Variants in PCDHA11 observed in about 807,000 individuals in gnomAD.
PCDHA11 encodes protocadherin alpha-11.
A neutral mutation model predicts 70.3 loss-of-function variants in PCDHA11; 61 were observed. The ratio of observed to expected loss-of-function variants is 0.87; its 90% CI spans 0.71 to 1.07. The LOEUF is 1.07. PCDHA11 is among the 50% of genes least tolerant of loss of function. The pLI is 0.00. For missense variants in PCDHA11, 1,324 were observed against 1,237.5 expected, an observed-to-expected ratio of 1.07 and a Z score of -1.05; for synonymous variants, 633 against 555.1, an observed-to-expected ratio of 1.14 and a Z score of -1.97.
chr5:140,966,166 C>T (rs1159533172), intron 1 of PCDHA11: 1 of 179,138 alleles, frequency 5.6e-6, no homozygotes, highest in Non-Finnish European at 1.2e-5. Flanking sequence ...GAGATCTTTT[C>T]CTGGGGAGCT....
At chr5:140,928,201 G>C in intron 1 of PCDHA11, 1 of 1,614,242 alleles carries the variant, frequency 6.2e-7, no homozygotes, top group Non-Finnish European at 8.5e-7. Context: ...GTCAGTTGCT[G>C]ATGTGAATGA....
At chr5:140,951,545 G>T (rs1019007635) in intron 1 of PCDHA11, among the ~76,000 whole-genome samples, 2 of 151,950 alleles carry the variant, frequency 1.3e-5, no homozygotes, top group African/African-American at 4.8e-5. Flanking sequence ...GCAAGGGACG[G>T]GGGGAAGTGC....
intron 1 of PCDHA11, among the ~76,000 whole-genome samples, chr5:140,903,666 A>T (rs1554191076): frequency 6.6e-6 from 1 of 152,228 alleles, no homozygotes; most frequent in African/African-American, 2.4e-5. Flanking sequence ...AATTTAACTG[A>T]TATAAAAGAT....
chr5:140,887,857 G>A lies in PCDHA11; in HGVS notation c.2391+16363G>A, dbSNP rs139840938. Among the ~76,000 whole-genome samples the A allele has an allele frequency of 2.6e-3, 395 of 152,084 alleles. 2 individuals carry two copies. The highest frequency in any genetic ancestry group is 9.3e-3 in the African/African-American group (384 of 41,488). ...TATCTTTTATTGACATATTTTCCAAGTTCACTAATTTTTCCTTTTGTAGTA... is the reference window on the plus strand; with the variant it reads ...TATCTTTTATTGACATATTTTCCAAATTCACTAATTTTTCCTTTTGTAGTA... On this transcript the variant is annotated intron_variant, in intron 1 of 3. Coordinates refer to ENST00000398640, the MANE Select transcript of PCDHA11 (RefSeq NM_018902.5).
At chr5:141,003,052 A>G (rs782531629) in intron 3 of PCDHA11, among the ~76,000 whole-genome samples, 17 of 152,230 alleles carry the variant, frequency 1.1e-4, no homozygotes, top group Non-Finnish European at 1.9e-4. Context: ...CCTTAACAGA[A>G]CAGTTCCAAA....
In PCDHA11 at chr5:140,928,656, T is replaced by A. The variant is rs116598649; in HGVS notation, c.2392-50293T>A. ...TCACAAAAGTGGTAGCAGAGGATGC[T>A]GACAGTGGTTCTAATGCCTGGCTTT... On this transcript the variant is annotated intron_variant, in intron 1 of 3. Transcript: ENST00000398640. 5,180 of 1,614,228 alleles carry A rather than the reference T, an allele frequency of 3.2e-3. 26 individuals are homozygous for A. Among genetic ancestry groups the A allele is most frequent in the African/African-American group, 0.019 (1,449 of 75,056 alleles).
Position 140,882,583 on chromosome 5 carries a change from C to T in PCDHA11, c.2391+11089C>T, listed in dbSNP as rs143956549. ...GGCGGAGCGCGGAGTGCAGCATCCA[C>T]CTGGAGGTGATCGTGGACAGGCCTC... On this transcript the variant is annotated intron_variant, in intron 1 of 3. Coordinates refer to ENST00000398640, the MANE Select transcript of PCDHA11 (RefSeq NM_018902.5). 2.3e-3 allele frequency: 3,635 copies of T among 1,614,232 alleles called. 15 individuals are homozygous for T. Among genetic ancestry groups the T allele is most frequent in the Middle Eastern group, 9.6e-3 (58 of 6,060 alleles).
At chr5:140,941,553 G>T in intron 1 of PCDHA11, among the ~76,000 whole-genome samples, 1 of 151,656 alleles carries the variant, frequency 6.6e-6, no homozygotes, top group East Asian at 2.0e-4. Context: ...CTGACCTCGT[G>T]ATCCATTCGC....
chr5:140,876,469 C>T, intron 1 of PCDHA11: 1 of 1,613,956 alleles, frequency 6.2e-7, no homozygotes. Context: ...CATGGCAGGT[C>T]ACAGCATGGT....
At position 140,870,813 on chromosome 5, in the gene PCDHA11, C is replaced by A; in HGVS notation, c.1710C>A (p.Gly570=). Residue 570 remains glycine (G), a synonymous_variant, in exon 1 of 4, where the codon GGC becomes GGA. Transcript: ENST00000398640. ...NAPALLATQA[G]SAGGAVNKLV... is the part of the protein sequence containing the mutation. ...CGGCACTGCTGGCGACTCAGGCTGG[C>A]AGCGCGGGAGGCGCAGTTAACAAGC... 3.7e-6 allele frequency: 6 copies of A among 1,613,700 alleles called. No homozygotes were observed. Among genetic ancestry groups the A allele is most frequent in the Non-Finnish European group, 5.1e-6 (6 of 1,179,888 alleles).
chr5:140,876,551 A>G (rs781855200), intron 1 of PCDHA11: 1 of 1,614,184 alleles, frequency 6.2e-7, no homozygotes, highest in Admixed American at 1.7e-5. Context: ...CTCCCTGTGC[A>G]AGAGGATGCT....
rs375366430 is a variant in PCDHA11, at chr5:140,870,343, C to G, written c.1240C>G (p.Arg414Gly). 28 of 1,614,042 alleles carry G rather than the reference C, an allele frequency of 1.7e-5. No individual in the cohort carries two copies. The highest frequency in any genetic ancestry group is 2.2e-5 in the Non-Finnish European group (26 of 1,180,050). Residue 414 changes from arginine to glycine, a missense_variant, in exon 1 of 4, where the codon CGC becomes GGC. Arg to Gly is a moderately radical substitution (Grantham distance 125, BLOSUM62 -2). Coordinates refer to ENST00000398640, the MANE Select transcript of PCDHA11 (RefSeq NM_018902.5). ...GTTGGTGCTGGACAGCGCCCTGGAC[C>G]GCGAGAACGTGTGGGCCTATGAACT... Reference protein sequence around the residue: ...YSLVLDSALDRENVWAYELVV... With the variant: ...YSLVLDSALDGENVWAYELVV...
chr5:140,880,645 C>T (rs535367313), intron 1 of PCDHA11, among the ~76,000 whole-genome samples: 5 of 152,148 alleles, frequency 3.3e-5, no homozygotes, highest in Admixed American at 3.3e-4. Flanking sequence ...CACTTGAGAG[C>T]CCAACTGAGG....
intron 1 of PCDHA11, among the ~76,000 whole-genome samples, chr5:140,964,886 T>C (rs529789945): frequency 6.6e-6 from 1 of 152,306 alleles, no homozygotes; most frequent in South Asian, 2.1e-4. Context: ...GCAGCAGTGA[T>C]AGGAGGCTGG....
At chr5:140,893,039 C>A (rs1024548713) in intron 1 of PCDHA11, among the ~76,000 whole-genome samples, 49 of 152,306 alleles carry the variant, frequency 3.2e-4, no homozygotes, top group African/African-American at 1.1e-3. Flanking sequence ...TAACATATGC[C>A]CTCCAGGCTC....
chr5:140,896,854 C>T (rs1211925701), intron 1 of PCDHA11, among the ~76,000 whole-genome samples: 4 of 152,004 alleles, frequency 2.6e-5, no homozygotes, highest in Non-Finnish European at 5.9e-5. Context: ...TTTATGGGTA[C>T]ATAATAAGTG....
At chr5:140,877,374 A>C in intron 1 of PCDHA11, 1 of 1,613,970 alleles carries the variant, frequency 6.2e-7, no homozygotes, top group Non-Finnish European at 8.5e-7. Context: ...TCAGCACGAC[A>C]CGCATCCTGG....
intron 3 of PCDHA11, among the ~76,000 whole-genome samples, chr5:140,984,164 A>T (rs1471799520): frequency 6.6e-6 from 1 of 152,208 alleles, no homozygotes; most frequent in African/African-American, 2.4e-5. Flanking sequence ...GAACTTCCCA[A>T]AGAAGCCACG....
intron 3 of PCDHA11, among the ~76,000 whole-genome samples, chr5:141,005,485 T>C (rs57509018): frequency 5.3e-5 from 8 of 151,370 alleles, no homozygotes; most frequent in Non-Finnish European, 1.0e-4. Context: ...GGGCGGATCA[T>C]GAGGTCAGGA....
Sources: gnomAD v4.1 joint callset for allele counts (sites outside exome capture counted in the v4.1 genomes callset) on GRCh38, gnomAD v4.1.1 for gene constraint, MANE v1.5 for transcripts, NCBI Gene and HGNC (gene_info 2026-07-23, HGNC 2026-07-21) for gene names.